The following FBXO36 variants were observed in gnomAD, a reference collection of about 807,000 sequenced individuals.
The protein encoded by FBXO36 is F-box only protein 36.
Under a neutral mutation model 17.0 loss-of-function variants are expected in FBXO36, and 18 were observed. That is an observed-to-expected ratio of 1.06 (90% CI 0.73 to 1.57). The LOEUF (loss-of-function observed/expected upper bound fraction) is 1.57, where lower values mean the gene tolerates loss of function less well. Among genes scored for constraint, FBXO36 ranks in the 40% most tolerant of loss-of-function variants. The pLI, the probability that FBXO36 is intolerant of heterozygous loss-of-function variation, is 0.00. For synonymous variants in FBXO36, 83 were observed against 85.3 expected, an observed-to-expected ratio of 0.97 and a Z score of 0.15; for missense variants, 229 against 221.9, an observed-to-expected ratio of 1.03 and a Z score of -0.20.
At chr2:229,947,041 G>T (rs55973013) in intron 1 of FBXO36, among the ~76,000 whole-genome samples, 370 of 152,218 alleles carry the variant, frequency 2.4e-3, no homozygotes, top group Non-Finnish European at 4.6e-3. Flanking sequence ...GGTGGCAGGT[G>T]CCTGTAATCT....
At chr2:229,939,489 T>A (rs1385445218) in intron 1 of FBXO36, among the ~76,000 whole-genome samples, 1 of 151,236 alleles carries the variant, frequency 6.6e-6, no homozygotes, top group African/African-American at 2.4e-5. Flanking sequence ...TGTGCACCTG[T>A]AATCCCAGCT....
intron 1 of FBXO36, among the ~76,000 whole-genome samples, chr2:229,931,009 T>G (rs191934196): frequency 3.8e-4 from 58 of 152,290 alleles, no homozygotes; most frequent in African/African-American, 1.4e-3. Flanking sequence ...GAAAAATGAT[T>G]CCCAAACATT....
intron 1 of FBXO36, among the ~76,000 whole-genome samples, chr2:229,930,744 G>A (rs967160541): frequency 6.6e-6 from 1 of 151,930 alleles, no homozygotes; most frequent in Non-Finnish European, 1.5e-5. Context: ...GTGAGATGCC[G>A]TCTCAAAACA....
chr2:229,981,442 G>C (rs1396561803), intron 2 of FBXO36, among the ~76,000 whole-genome samples: 1 of 151,738 alleles, frequency 6.6e-6, no homozygotes, highest in African/African-American at 2.4e-5. Flanking sequence ...GCAGTAGCAC[G>C]ATCACGCTCA....
At chr2:229,972,927 T>G (rs921932641) in intron 1 of FBXO36, among the ~76,000 whole-genome samples, 3 of 151,850 alleles carry the variant, frequency 2.0e-5, no homozygotes, top group Non-Finnish European at 4.4e-5. Context: ...CCAGGCGTGG[T>G]GGCGTGCGCC....
chr2:229,967,547 G>A (rs1173768593), intron 1 of FBXO36, among the ~76,000 whole-genome samples: 3 of 152,110 alleles, frequency 2.0e-5, no homozygotes, highest in Non-Finnish European at 2.9e-5. Context: ...TTTGAGATAT[G>A]TCCCATCAAT....
chr2:229,954,227 C>T (rs936059889), intron 1 of FBXO36, among the ~76,000 whole-genome samples: 1 of 72,280 alleles, frequency 1.4e-5, no homozygotes, highest in Non-Finnish European at 3.0e-5. Context: ...CATTACAAAC[C>T]CTTTGGATTT....
intron 1 of FBXO36, among the ~76,000 whole-genome samples, chr2:229,962,487 C>T (rs899337673): frequency 7.8e-6 from 1 of 127,706 alleles, no homozygotes; most frequent in Non-Finnish European, 1.6e-5. Flanking sequence ...TGCACCACCA[C>T]ACCTAGTTGA....
At chr2:229,933,906 G>T (rs111320842) in intron 1 of FBXO36, among the ~76,000 whole-genome samples, 1,722 of 151,774 alleles carry the variant, frequency 0.011, 32 homozygotes, top group African/African-American at 0.04. Flanking sequence ...GGCTGGTCTC[G>T]AACTCCTGAA....
rs763451101 is a variant in FBXO36, at chr2:230,010,731, C to G, written c.414C>G (p.Val138=). 3 of 1,613,610 alleles carry G rather than the reference C, an allele frequency of 1.9e-6. No individual in the cohort carries two copies. The East Asian group carries it at 6.7e-5, about 36-fold the overall frequency. Residue 138 remains valine, a synonymous_variant, in exon 4 of 4, where the codon GTC becomes GTG. Coordinates refer to ENST00000283946, the MANE Select transcript of FBXO36 (RefSeq NM_174899.5). ...CMSDKLWEQI[V]QSTCDTITPD... ...CTGATAAACTGTGGGAACAGATAGTCCAGTCGACCTGCGACACCATCACTC... is the reference window on the plus strand; with the variant it reads ...CTGATAAACTGTGGGAACAGATAGTGCAGTCGACCTGCGACACCATCACTC...
At chr2:230,000,129 G>A (rs1374047756) in intron 3 of FBXO36, among the ~76,000 whole-genome samples, 10 of 151,812 alleles carry the variant, frequency 6.6e-5, no homozygotes, top group Non-Finnish European at 1.0e-4. Flanking sequence ...AGGCCGAGGT[G>A]GGTGGATCAC....
chr2:229,922,957 G>A (rs1266976591), intron 1 of FBXO36, among the ~76,000 whole-genome samples: 3 of 152,214 alleles, frequency 2.0e-5, no homozygotes, highest in Admixed American at 6.5e-5. Context: ...GCGTGAGAAG[G>A]AGGGAAAGAA....
intron 2 of FBXO36, among the ~76,000 whole-genome samples, chr2:229,979,285 C>T (rs945355443): frequency 3.3e-5 from 5 of 151,584 alleles, no homozygotes; most frequent in East Asian, 1.9e-4. Flanking sequence ...ATTTCTTGAG[C>T]CCAGGAGTTT....
At chr2:229,936,863 C>T (rs1372203027) in intron 1 of FBXO36, among the ~76,000 whole-genome samples, 1 of 152,084 alleles carries the variant, frequency 6.6e-6, no homozygotes, top group Non-Finnish European at 1.5e-5. Flanking sequence ...AGATCAAGAC[C>T]TTGTCTCAAA....
chr2:229,937,340 C>T (rs1455754585), intron 1 of FBXO36, among the ~76,000 whole-genome samples: 2 of 151,758 alleles, frequency 1.3e-5, no homozygotes, highest in Non-Finnish European at 2.9e-5. Flanking sequence ...ACTAAGAATA[C>T]AAAAATTAGC....
intron 2 of FBXO36, among the ~76,000 whole-genome samples, chr2:229,993,473 C>G (rs959768848): frequency 5.3e-5 from 8 of 152,086 alleles, no homozygotes; most frequent in African/African-American, 1.7e-4. Flanking sequence ...TAGGGCAGCC[C>G]TATTCAGTGT....
At chr2:229,960,912 C>T (rs2077117299) in intron 1 of FBXO36, among the ~76,000 whole-genome samples, 1 of 152,200 alleles carries the variant, frequency 6.6e-6, no homozygotes, top group East Asian at 1.9e-4. Flanking sequence ...AGTTCGAGAC[C>T]AGCCTGGCCA....
chr2:229,926,950 T>C (rs1283768628), intron 1 of FBXO36, among the ~76,000 whole-genome samples: 1 of 151,464 alleles, frequency 6.6e-6, no homozygotes, highest in East Asian at 2.0e-4. Context: ...ACCTCCACCT[T>C]CTGGGTTGAA....
chr2:230,009,687 G>A (rs1438583903), intron 3 of FBXO36, among the ~76,000 whole-genome samples: 1 of 152,164 alleles, frequency 6.6e-6, no homozygotes, highest in East Asian at 1.9e-4. Context: ...GCTCACGCCT[G>A]TAATCCCAGC....
Sources: gnomAD v4.1 joint callset for allele counts (sites outside exome capture counted in the v4.1 genomes callset) on GRCh38, gnomAD v4.1.1 for gene constraint, MANE v1.5 for transcripts, NCBI Gene and HGNC (gene_info 2026-07-23, HGNC 2026-07-21) for gene names.